The following DIP2C variants were observed in gnomAD, a reference collection of about 807,000 sequenced individuals.
DIP2C encodes disco-interacting protein 2 homolog C.
In DIP2C, 33 loss-of-function variants were observed where a neutral mutation model predicts 192.4. That is an observed-to-expected ratio of 0.17 (90% CI 0.13 to 0.23). The LOEUF (loss-of-function observed/expected upper bound fraction) is 0.23. Ranked by LOEUF, DIP2C falls within the 10% of genes least tolerant of loss-of-function variation. The pLI is 1.00. For synonymous variants in DIP2C, 979 were observed against 864.1 expected, an observed-to-expected ratio of 1.13 and a Z score of -2.33; for missense variants, 1,537 against 2,110.1, an observed-to-expected ratio of 0.73 and a Z score of 5.32.
chr10:607,796 A>G (rs999925941), intron 1 of DIP2C, among the ~76,000 whole-genome samples: 11 of 152,056 alleles, frequency 7.2e-5, no homozygotes, highest in Non-Finnish European at 1.0e-4. Context: ...CAAGAATCAC[A>G]ATTTATAATC....
chr10:384,208 AGAGAGATCATTG>A, intron 15 of DIP2C, 62 bp from the exon 16 acceptor site: 2 of 1,589,402 alleles, frequency 1.3e-6, no homozygotes, highest in Non-Finnish European at 1.7e-6. Context: ...CTATTGCAAA[AGAGAGATCATTG>A]TGAGTAGTGG....
intron 1 of DIP2C, among the ~76,000 whole-genome samples, chr10:520,049 A>T (rs1490470724): frequency 6.6e-6 from 1 of 152,236 alleles, no homozygotes; most frequent in Non-Finnish European, 1.5e-5. Flanking sequence ...CCCACCCTGC[A>T]TTCAGCAGTT....
chr10:588,421 GGGT>G (rs1851211308), intron 1 of DIP2C, among the ~76,000 whole-genome samples: 1 of 152,232 alleles, frequency 6.6e-6, no homozygotes, highest in Non-Finnish European at 1.5e-5. Flanking sequence ...CCATCTCCGG[GGGT>G]CTCAAGGGAA....
chr10:336,895 GGTGTGT>G lies in DIP2C; in HGVS notation c.3584+4298_3584+4303del, dbSNP rs112539860. On this transcript the variant is annotated intron_variant, in intron 29 of 36. Transcript: ENST00000280886. ...TGCGCGTGTTGTGGAGGCCTAGGCAGGTGTGTGTGTGTGTGTGTGTGTGTGTTGTGG... is the reference window on the plus strand; with the variant it reads ...TGCGCGTGTTGTGGAGGCCTAGGCAGGTGTGTGTGTGTGTGTGTGTTGTGG... Among the ~76,000 whole-genome samples the G allele has an allele frequency of 1.1e-3, 98 of 91,762 alleles. 11 individuals carry two copies. The highest frequency in any genetic ancestry group is 2.4e-3 in the African/African-American group (70 of 29,728). 60.2% of individuals were successfully genotyped at this position (91,762 alleles called of 152,430 possible).
intron 22 of DIP2C, 48 bp downstream of exon 22, chr10:362,442 C>A (rs374580846): frequency 2.5e-6 from 4 of 1,595,004 alleles, no homozygotes; most frequent in Non-Finnish European, 3.4e-6. Flanking sequence ...GCCGTGCAGC[C>A]CCAAGGGAAC....
intron 10 of DIP2C, among the ~76,000 whole-genome samples, chr10:392,775 TCACA>T (rs1046669342): frequency 1.3e-5 from 2 of 150,796 alleles, no homozygotes; most frequent in African/African-American, 4.9e-5. Context: ...CTTAACACTC[TCACA>T]CGCGCCCATG....
chr10:396,438 ATT>A (rs1963990520), intron 10 of DIP2C, among the ~76,000 whole-genome samples: 1 of 152,228 alleles, frequency 6.6e-6, no homozygotes, highest in Non-Finnish European at 1.5e-5. Flanking sequence ...ATAAATACAA[ATT>A]ATTAAAGTGA....
At chr10:548,692 G>C (rs1014354691) in intron 1 of DIP2C, among the ~76,000 whole-genome samples, 1 of 151,706 alleles carries the variant, frequency 6.6e-6, no homozygotes, top group African/African-American at 2.4e-5. Context: ...GGAGGGAAGC[G>C]ACAAGAGGGG....
intron 1 of DIP2C, among the ~76,000 whole-genome samples, chr10:501,674 C>T (rs1429100209): frequency 1.3e-5 from 2 of 152,030 alleles, no homozygotes; most frequent in East Asian, 1.9e-4. Context: ...TCCAGACAGG[C>T]AAAAGGACTG....
chr10:506,275 T>TA (rs1266816341), intron 1 of DIP2C, among the ~76,000 whole-genome samples: 3 of 152,112 alleles, frequency 2.0e-5, no homozygotes, highest in African/African-American at 7.2e-5. Context: ...AGCTAAGGCA[T>TA]CCAAATGTGC....
chr10:337,547 G>A (rs1212300387), intron 29 of DIP2C, among the ~76,000 whole-genome samples: 2 of 138,652 alleles, frequency 1.4e-5, no homozygotes, highest in Non-Finnish European at 3.1e-5. Context: ...TAGAGGCCTA[G>A]GAAGCTGTGT....
chr10:528,074 C>A (rs1329923825), intron 1 of DIP2C, among the ~76,000 whole-genome samples: 1 of 152,160 alleles, frequency 6.6e-6, no homozygotes, highest in Non-Finnish European at 1.5e-5. Context: ...CTGGAAGGAA[C>A]CTGGATCCCT....
intron 32 of DIP2C, among the ~76,000 whole-genome samples, chr10:302,229 C>T (rs1589426808): frequency 6.6e-6 from 1 of 152,094 alleles, no homozygotes; most frequent in Non-Finnish European, 1.5e-5. Flanking sequence ...AAGCACCTGA[C>T]GCATACCAAG....
intron 7 of DIP2C, among the ~76,000 whole-genome samples, chr10:414,797 T>C (rs907780137): frequency 2.6e-4 from 36 of 139,696 alleles, no homozygotes; most frequent in Admixed American, 5.9e-4. Flanking sequence ...ATAAAATGTA[T>C]ATATATTTTG....
At chr10:660,995 C>T (rs1021725201) in intron 1 of DIP2C, among the ~76,000 whole-genome samples, 1 of 152,228 alleles carries the variant, frequency 6.6e-6, no homozygotes, top group African/African-American at 2.4e-5. Flanking sequence ...GCAAAAATCC[C>T]AGAATCAGAA....
chr10:390,777 A>G lies in DIP2C; in HGVS notation c.1347T>C (p.Leu449=), dbSNP rs1963400730. Residue 449 remains leucine, a synonymous_variant, in exon 11 of 37, where the codon CTT becomes CTC. Coordinates refer to ENST00000280886, the MANE Select transcript of DIP2C (RefSeq NM_014974.3). ...ALTSDACHKG[L]PKSPTGEIPQ... The stretch of plus-strand genomic sequence containing the variant: ...GGATCTCTCCCGTTGGGCTTTTTGG[A>G]AGTCCTTTATGGCAGGCGTCACTAG... The G allele has an allele frequency of 1.2e-6, 2 of 1,613,718 alleles. No individual in the cohort carries two copies. The highest frequency in any genetic ancestry group is 1.7e-5 in the Admixed American group (1 of 59,954).
intron 1 of DIP2C, among the ~76,000 whole-genome samples, chr10:571,844 C>T (rs1849834118): frequency 6.6e-6 from 1 of 152,268 alleles, no homozygotes; most frequent in African/African-American, 2.4e-5. Context: ...CCCAGCAAAC[C>T]AGAGCAAGGC....
chr10:417,241 T>C (rs1965703396), intron 6 of DIP2C, among the ~76,000 whole-genome samples: 1 of 152,066 alleles, frequency 6.6e-6, no homozygotes, highest in Non-Finnish European at 1.5e-5. Flanking sequence ...TCATGACGTC[T>C]GGGGTGTGAC....
chr10:473,313 G>T (rs865975022), intron 2 of DIP2C, among the ~76,000 whole-genome samples: 2 of 152,164 alleles, frequency 1.3e-5, no homozygotes, highest in African/African-American at 4.8e-5. Flanking sequence ...ACAGTTCCAC[G>T]AAGAACTACT....
Sources: gnomAD v4.1 joint callset for allele counts (sites outside exome capture counted in the v4.1 genomes callset) on GRCh38, gnomAD v4.1.1 for gene constraint, MANE v1.5 for transcripts, NCBI Gene and HGNC (gene_info 2026-07-23, HGNC 2026-07-21) for gene names.